The following HTR1F variants were observed in gnomAD, a reference collection of about 807,000 sequenced individuals.
HTR1F encodes the protein 5-hydroxytryptamine receptor 1F.
A neutral mutation model predicts 24.0 loss-of-function variants in HTR1F; 17 were observed. The ratio of observed to expected loss-of-function variants is 0.71; its 90% CI spans 0.48 to 1.06. The LOEUF (loss-of-function observed/expected upper bound fraction) is 1.06, where lower values mean the gene tolerates loss of function less well. Ranked by LOEUF, HTR1F falls within the 50% of genes least tolerant of loss-of-function variation. The probability of loss-of-function intolerance (pLI) is 0.00; values close to 1 mark genes in which losing one functional copy is unlikely to be tolerated. For missense variants in HTR1F, 391 were observed against 427.8 expected, an observed-to-expected ratio of 0.91 and a Z score of 0.76; for synonymous variants, 186 against 156.8, an observed-to-expected ratio of 1.19 and a Z score of -1.39.
intron 2 of HTR1F, among the ~76,000 whole-genome samples, chr3:87,879,430 A>G (rs1404231302): frequency 6.6e-6 from 1 of 152,206 alleles, no homozygotes; most frequent in Non-Finnish European, 1.5e-5. Context: ...CCATAACTTT[A>G]CAGAGGTTCC....
chr3:87,865,882 C>G (rs1705416537), intron 2 of HTR1F, among the ~76,000 whole-genome samples: 1 of 152,110 alleles, frequency 6.6e-6, no homozygotes, highest in Admixed American at 6.6e-5. Context: ...GAACTGCTGG[C>G]ACATGGGGCT....
At chr3:87,945,535 G>A (rs1363511756) in intron 2 of HTR1F, among the ~76,000 whole-genome samples, 1 of 152,204 alleles carries the variant, frequency 6.6e-6, no homozygotes, top group Non-Finnish European at 1.5e-5. Flanking sequence ...GCTGCGCCAT[G>A]ATGTCAACCG....
chr3:87,950,581 A>T (rs1015876048), intron 2 of HTR1F, among the ~76,000 whole-genome samples: 3 of 152,050 alleles, frequency 2.0e-5, no homozygotes, highest in African/African-American at 7.2e-5. Flanking sequence ...AGGGAGGAGT[A>T]AAGAGAATTA....
rs562593776 is a variant in HTR1F at position 87,851,849 on chromosome 3, A to G, written c.-43+29725A>G. On this transcript the variant is annotated intron_variant, in intron 2 of 2. Coordinates refer to ENST00000319595, the MANE Select transcript of HTR1F (RefSeq NM_001322209.2). ...CTATAAGAATGTACATTTCTTATAT[A>G]TGATGTTACATTAGGATTAGAAGTA... Among the ~76,000 whole-genome samples, 150 of 151,632 alleles carry G rather than the reference A, an allele frequency of 9.9e-4. 4 individuals are homozygous for G. Among genetic ancestry groups the G allele is most frequent in the African/African-American group, 3.5e-3 (145 of 41,258 alleles).
Position 87,852,579 on chromosome 3 carries a change from A to AT in HTR1F, c.-43+30461dup, listed in dbSNP as rs768593246. ...CATGTATTCTGCAAGCAATTTGTAG[A>AT]TTTTTTAAATTTATTATTATTATAT... On this transcript the variant is annotated intron_variant, in intron 2 of 2. Coordinates refer to ENST00000319595, the MANE Select transcript of HTR1F (RefSeq NM_001322209.2). Among the ~76,000 whole-genome samples, 222 of 151,696 alleles carry AT rather than the reference A, an allele frequency of 1.5e-3. 1 individual carries two copies. Among genetic ancestry groups the AT allele is most frequent in the South Asian group, 2.3e-3 (11 of 4,826 alleles).
intron 2 of HTR1F, among the ~76,000 whole-genome samples, chr3:87,968,625 G>A (rs1705217880): frequency 6.6e-6 from 1 of 152,192 alleles, no homozygotes; most frequent in Non-Finnish European, 1.5e-5. Context: ...AAGTTTAAAA[G>A]GGAAGCAGAG....
intron 2 of HTR1F, among the ~76,000 whole-genome samples, chr3:87,985,796 G>A (rs1413175789): frequency 6.6e-6 from 1 of 152,192 alleles, no homozygotes; most frequent in Non-Finnish European, 1.5e-5. Context: ...TATGCGGCTA[G>A]GAGCTAATAA....
intron 2 of HTR1F, among the ~76,000 whole-genome samples, chr3:87,915,003 T>C (rs570421475): frequency 1.9e-4 from 29 of 152,088 alleles, no homozygotes; most frequent in Admixed American, 9.2e-4. Context: ...GACCCAAGGA[T>C]GGTTCACATC....
rs191669706 is a variant in HTR1F at position 87,937,792 on chromosome 3, T to A, written c.-42-52916T>A. ...CAAAAAAATCAGCTGGGCATGGTGG[T>A]GGGTGCCTGTAGTCCCAGCTACTCA... On this transcript the variant is annotated intron_variant, in intron 2 of 2. Transcript: ENST00000319595. Among the ~76,000 whole-genome samples the A allele has an allele frequency of 1.1e-4, 17 of 151,792 alleles. No individual in the cohort carries two copies. In the East Asian group the frequency reaches 3.3e-3, roughly 30 times the overall value.
intron 2 of HTR1F, among the ~76,000 whole-genome samples, chr3:87,951,559 C>T (rs1704833626): frequency 6.6e-6 from 1 of 152,066 alleles, no homozygotes; most frequent in African/African-American, 2.4e-5. Context: ...AAATTTCTCA[C>T]ATACTACCTG....
chr3:87,813,920 C>T (rs1394422815), intron 1 of HTR1F, among the ~76,000 whole-genome samples: 2 of 151,650 alleles, frequency 1.3e-5, no homozygotes, highest in African/African-American at 4.8e-5. Context: ...TCAATTAAAC[C>T]TCTTTTTTTT....
chr3:87,887,151 G>C (rs557782358), intron 2 of HTR1F, among the ~76,000 whole-genome samples: 1 of 152,224 alleles, frequency 6.6e-6, no homozygotes, highest in South Asian at 2.1e-4. Flanking sequence ...GAACAGAACA[G>C]AGGCCTCAGA....
chr3:87,836,974 A>G (rs1170574293), intron 2 of HTR1F, among the ~76,000 whole-genome samples: 3 of 152,082 alleles, frequency 2.0e-5, no homozygotes, highest in Non-Finnish European at 4.4e-5. Flanking sequence ...AGAACATTTC[A>G]TATCAGTGAT....
At chr3:87,843,470 T>C (rs1487603445) in intron 2 of HTR1F, among the ~76,000 whole-genome samples, 2 of 151,388 alleles carry the variant, frequency 1.3e-5, no homozygotes, top group Non-Finnish European at 2.9e-5. Context: ...AGATACCACA[T>C]AAACCTACCA....
chr3:87,838,721 A>G (rs1461586787), intron 2 of HTR1F, among the ~76,000 whole-genome samples: 1 of 152,108 alleles, frequency 6.6e-6, no homozygotes, highest in Non-Finnish European at 1.5e-5. Context: ...ATAAGAAAAC[A>G]CAATTGGAAT....
At chr3:87,860,782 G>A (rs1285030224) in intron 2 of HTR1F, among the ~76,000 whole-genome samples, 1 of 152,122 alleles carries the variant, frequency 6.6e-6, no homozygotes, top group African/African-American at 2.4e-5. Flanking sequence ...GAAATCCTTA[G>A]ACTCATTGTT....
At chr3:87,793,737 G>A (rs1341913110) in intron 1 of HTR1F, 2 of 152,176 alleles carry the variant, frequency 1.3e-5, no homozygotes, top group Non-Finnish European at 2.9e-5. Flanking sequence ...GGCCCTGGAT[G>A]AGAGAGCCTT....
intron 2 of HTR1F, among the ~76,000 whole-genome samples, chr3:87,835,977 G>A (rs1704674956): frequency 6.6e-6 from 1 of 152,120 alleles, no homozygotes; most frequent in African/African-American, 2.4e-5. Context: ...ATGGTCACAA[G>A]AACTAAGCCT....
At chr3:87,837,516 C>A (rs1431041143) in intron 2 of HTR1F, among the ~76,000 whole-genome samples, 1 of 151,926 alleles carries the variant, frequency 6.6e-6, no homozygotes, top group East Asian at 1.9e-4. Context: ...TCACACAAAT[C>A]ACAAGGGAAA....
Sources: gnomAD v4.1 joint callset for allele counts (sites outside exome capture counted in the v4.1 genomes callset) on GRCh38, gnomAD v4.1.1 for gene constraint, MANE v1.5 for transcripts, NCBI Gene and HGNC (gene_info 2026-07-23, HGNC 2026-07-21) for gene names.